Variants in SLC12A6 observed in about 807,000 individuals in gnomAD.
SLC12A6 encodes solute carrier family 12 member 6.
A neutral mutation model predicts 135.3 loss-of-function variants in SLC12A6; 66 were observed. The observed-to-expected ratio is 0.49, with a 90% CI of 0.40 to 0.60. SLC12A6 has a LOEUF of 0.60. Ranked by LOEUF, SLC12A6 falls within the 20% of genes least tolerant of loss-of-function variation. SLC12A6 has a pLI of 0.00. For synonymous variants in SLC12A6, 513 were observed against 508.8 expected, an observed-to-expected ratio of 1.01 and a Z score of -0.11; for missense variants, 1,058 against 1,452.3, an observed-to-expected ratio of 0.73 and a Z score of 4.41.
intron 3 of SLC12A6, among the ~76,000 whole-genome samples, chr15:34,273,007 T>C (rs1894066205): frequency 6.6e-6 from 1 of 152,212 alleles, no homozygotes. Context: ...AAAATTTTTA[T>C]ATACAGAAGA....
intron 2 of SLC12A6, among the ~76,000 whole-genome samples, chr15:34,276,838 C>T (rs1469524582): frequency 6.6e-6 from 1 of 152,100 alleles, no homozygotes; most frequent in Non-Finnish European, 1.5e-5. Context: ...ATTTAATTAA[C>T]ACTTTAAGCA....
At chr15:34,241,004 C>T (rs988324704) in intron 18 of SLC12A6, 175 bp from the exon 19 acceptor site, 2 of 670,876 alleles carry the variant, frequency 3.0e-6, no homozygotes, top group East Asian at 2.7e-5. Flanking sequence ...GCTCCCAGTA[C>T]TATCTCAAGT....
intron 16 of SLC12A6, 140 bp downstream of exon 16, chr15:34,243,834 A>G (rs1239760875): frequency 8.7e-6 from 6 of 688,774 alleles, no homozygotes; most frequent in Non-Finnish European, 1.6e-5. Flanking sequence ...GAGGATTCAG[A>G]TAAGAATTGA....
intron 3 of SLC12A6, among the ~76,000 whole-genome samples, chr15:34,272,740 C>G (rs1391102816): frequency 6.6e-6 from 1 of 152,194 alleles, no homozygotes; most frequent in Non-Finnish European, 1.5e-5. Flanking sequence ...CCCCAGGTAT[C>G]CTTTACTGCA....
intron 2 of SLC12A6, among the ~76,000 whole-genome samples, chr15:34,311,508 A>G (rs139510480): frequency 1.3e-5 from 2 of 152,330 alleles, no homozygotes; most frequent in East Asian, 3.9e-4. Context: ...TGGCTCAGGC[A>G]CATTAAGATA....
Position 34,337,307 on chromosome 15 carries a change from A to G in SLC12A6, c.-73+25T>C, listed in dbSNP as rs149576140. ...CTTGGGTCTGGTGGGAAAGGTGCAC[A>G]TGCATAACGGGAAAAATAACCCACA... On this transcript the variant is annotated intron_variant, in intron 1 of 25. Coordinates refer to ENST00000354181, the MANE Select transcript of SLC12A6 (RefSeq NM_001365088.1). The G allele has an allele frequency of 3.3e-3, 527 of 161,016 alleles. 3 individuals are homozygous for G. Among genetic ancestry groups the G allele is most frequent in the African/African-American group, 0.011 (455 of 41,604 alleles). 10.0% of individuals were successfully genotyped at this position (161,016 alleles called of 1,614,324 possible).
intron 2 of SLC12A6, among the ~76,000 whole-genome samples, chr15:34,334,467 G>A (rs1385010326): frequency 1.1e-4 from 16 of 152,156 alleles, no homozygotes; most frequent in Admixed American, 1.0e-3. Context: ...ATACTGAGAA[G>A]TCAAGGGTGA....
At chr15:34,286,318 T>G (rs920244556) in intron 2 of SLC12A6, among the ~76,000 whole-genome samples, 2 of 151,626 alleles carry the variant, frequency 1.3e-5, no homozygotes, top group Non-Finnish European at 2.9e-5. Context: ...TCAAGTGATC[T>G]GCCCACCTCA....
rs189728460 is a variant in SLC12A6 at position 34,243,833 on chromosome 15, G to A, written c.2042+141C>T. 4 of 686,496 alleles carry A rather than the reference G, an allele frequency of 5.8e-6. No homozygotes were observed. In the East Asian group the frequency reaches 1.0e-4, roughly 18 times the overall value. The allele number at this position is 686,496 out of a possible 1,614,324, so 42.5% of individuals were successfully genotyped here. On this transcript the variant is annotated intron_variant, in intron 16 of 25. Transcript: ENST00000354181. ...AATAGGATAGGAGGATGAGGATTCA[G>A]ATAAGAATTGAAAGTTGAAACAGTA...
Position 34,254,700 on chromosome 15 carries a change from A to G in SLC12A6, c.877-111T>C. 7 of 809,804 alleles carry G rather than the reference A, an allele frequency of 8.6e-6. No homozygotes were observed. The Admixed American group carries it at 1.5e-4, about 18-fold the overall frequency. The allele number at this position is 809,804 out of a possible 1,614,324, so 50.2% of individuals were successfully genotyped here. On this transcript the variant is annotated intron_variant, in intron 8 of 25. Transcript: ENST00000354181. The stretch of plus-strand genomic sequence containing the variant: ...AAAGAAAGCAAAGCTGAGAGAGAAA[A>G]TGACTGGGGAATTAGCCTAGTTTCT...
At chr15:34,254,937 T>C (rs1179925708) in intron 8 of SLC12A6, among the ~76,000 whole-genome samples, 1 of 152,194 alleles carries the variant, frequency 6.6e-6, no homozygotes, top group African/African-American at 2.4e-5. Flanking sequence ...ACAATATGTC[T>C]CAGTGAAGAG....
chr15:34,288,384 A>G (rs1420495897), intron 2 of SLC12A6, among the ~76,000 whole-genome samples: 1 of 152,240 alleles, frequency 6.6e-6, no homozygotes, highest in East Asian at 1.9e-4. Context: ...TGGATACTGT[A>G]GCCTCGTAGC....
At chr15:34,323,931 A>G (rs1395576941) in intron 2 of SLC12A6, among the ~76,000 whole-genome samples, 3 of 151,964 alleles carry the variant, frequency 2.0e-5, no homozygotes, top group African/African-American at 7.3e-5. Flanking sequence ...ACAGAGTGAG[A>G]TCTTGTCTCA....
chr15:34,331,557 T>C (rs958477218), intron 2 of SLC12A6, among the ~76,000 whole-genome samples: 1 of 152,102 alleles, frequency 6.6e-6, no homozygotes, highest in Non-Finnish European at 1.5e-5. Context: ...ATTTGTCTCT[T>C]GTTTTTAAGT....
In SLC12A6 at chr15:34,251,432, A is replaced by G. The variant is rs566821429; in HGVS notation, c.1334-375T>C. Among the ~76,000 whole-genome samples the G allele has an allele frequency of 3.1e-3, 473 of 152,156 alleles. 2 individuals carry two copies. Among genetic ancestry groups the G allele is most frequent in the Non-Finnish European group, 5.5e-3 (372 of 67,994 alleles). The stretch of plus-strand genomic sequence containing the variant: ...CCAGCTAATTTTTTATATTTTTAGT[A>G]GAGACGAGGTTTCACCATGTTAGCC... On this transcript the variant is annotated intron_variant, in intron 10 of 25. Coordinates refer to ENST00000354181, the MANE Select transcript of SLC12A6 (RefSeq NM_001365088.1).
At chr15:34,336,287 C>T in intron 2 of SLC12A6, 123 bp downstream of exon 2, 6 of 815,316 alleles carry the variant, frequency 7.4e-6, no homozygotes, top group South Asian at 7.3e-5. Context: ...CAAAGAGATG[C>T]CTTGGTTCCT....
At chr15:34,304,824 T>C (rs1175800652) in intron 2 of SLC12A6, among the ~76,000 whole-genome samples, 1 of 152,230 alleles carries the variant, frequency 6.6e-6, no homozygotes, top group African/African-American at 2.4e-5. Flanking sequence ...AGCATTTACA[T>C]AATACATTCC....
At chr15:34,266,505 G>A (rs1357039447) in intron 3 of SLC12A6, among the ~76,000 whole-genome samples, 6 of 152,010 alleles carry the variant, frequency 3.9e-5, no homozygotes, top group Middle Eastern at 3.2e-3. Flanking sequence ...ACAGTGGTGC[G>A]ATCACAGCTC....
chr15:34,296,156 C>G (rs574914015), intron 2 of SLC12A6, among the ~76,000 whole-genome samples: 1 of 152,118 alleles, frequency 6.6e-6, no homozygotes, highest in Non-Finnish European at 1.5e-5. Flanking sequence ...TTTAAACATG[C>G]CTAAAGCTGT....
Sources: gnomAD v4.1 joint callset for allele counts (sites outside exome capture counted in the v4.1 genomes callset) on GRCh38, gnomAD v4.1.1 for gene constraint, MANE v1.5 for transcripts, NCBI Gene and HGNC (gene_info 2026-07-23, HGNC 2026-07-21) for gene names.